PPP1R1C: variants seen among roughly 807,000 people sequenced by gnomAD.
The protein encoded by PPP1R1C is protein phosphatase 1 regulatory subunit 1C.
PPP1R1C carries 15 observed loss-of-function variants against 17.4 expected under a neutral mutation model. The ratio of observed to expected loss-of-function variants is 0.86; its 90% CI spans 0.58 to 1.33. The LOEUF is 1.33. PPP1R1C is among the 40% of genes most tolerant of loss of function. The pLI, the probability that PPP1R1C is intolerant of heterozygous loss-of-function variation, is 0.00. For missense variants in PPP1R1C, 143 were observed against 130.0 expected (o/e 1.10, Z -0.48); for synonymous variants, 35 against 43.1 (o/e 0.81, Z 0.73).
intron 5 of PPP1R1C, among the ~76,000 whole-genome samples, chr2:182,126,367 A>C: frequency 6.6e-6 from 1 of 152,110 alleles, no homozygotes. Flanking sequence ...TCCAAAAACC[A>C]GTCCTCAAAG....
rs184043225 is a variant in PPP1R1C at position 182,061,489 on chromosome 2, T to A, written c.180+10T>A. On this transcript the variant is annotated intron_variant, in intron 3 of 4. Coordinates refer to ENST00000682840, the MANE Select transcript of PPP1R1C (RefSeq NM_001080545.3). ...CAACACACAAGGGGAAGTAAGTTTT[T>A]AAAAATATTTTGTATAAATGTGTTC... 76 of 1,458,614 alleles carry A rather than the reference T, an allele frequency of 5.2e-5. No individual in the cohort carries two copies. The East Asian group carries it at 1.8e-3, about 34-fold the overall frequency. 90.4% of individuals were successfully genotyped at this position (1,458,614 alleles called of 1,614,324 possible).
At chr2:182,105,807 G>A (rs1372102076) in intron 4 of PPP1R1C, among the ~76,000 whole-genome samples, 1 of 152,148 alleles carries the variant, frequency 6.6e-6, no homozygotes, top group Non-Finnish European at 1.5e-5. Context: ...TGGGGAGGAT[G>A]GGGATTTCCC....
At chr2:182,118,368 A>G (rs1689645447), downstream of PPP1R1C, among the ~76,000 whole-genome samples, 1 of 152,124 alleles carries the variant, frequency 6.6e-6, no homozygotes, top group African/African-American at 2.4e-5. Context: ...AATTTTAATT[A>G]TACATTATTT....
In PPP1R1C at chr2:181,961,851, C is replaced by T. The variant is rs1373765830; in HGVS notation, n.111+7217C>T. 3.4e-6 allele frequency: 3 copies of T among 893,922 alleles called. No individual in the cohort carries two copies. The highest frequency in any genetic ancestry group is 4.9e-5 in the East Asian group (2 of 40,940). The allele number at this position is 893,922 out of a possible 1,614,324, so 55.4% of individuals were successfully genotyped here. A position where few individuals can be genotyped will look rare whatever the true frequency, so the allele number is the denominator to read the frequency against. On this transcript the variant is annotated intron_variant and non_coding_transcript_variant, in intron 1 of 5. Coordinates refer to the PPP1R1C transcript ENST00000464264. This position sits in a 1 kb window ranked among gnomAD's most constrained non-coding sequence, Gnocchi z 5.8. ...CTTCGTGGTTCTTCTTCATGAAGAG[C>T]AGCTCCTCCTTGAGAGCCTCCATCT...
chr2:182,062,127 A>T (rs978892525), intron 3 of PPP1R1C, among the ~76,000 whole-genome samples: 1 of 152,084 alleles, frequency 6.6e-6, no homozygotes, highest in African/African-American at 2.4e-5. Flanking sequence ...ATTGAATAGG[A>T]TGCTGTGCAG....
rs570612621 is a variant in PPP1R1C at position 182,082,225 on chromosome 2, G to C, written c.241+18434G>C. Among the ~76,000 whole-genome samples the C allele has an allele frequency of 3.3e-5, 5 of 152,262 alleles. No homozygotes were observed. In the East Asian group the frequency reaches 9.7e-4, roughly 29 times the overall value. On this transcript the variant is annotated intron_variant, in intron 4 of 4. Transcript: ENST00000682840. ...ATAGAAACAAACTCATAAAGCAACA[G>C]ATGAATGCATGCATGTGAAATTGGA...
At chr2:182,012,951 G>T (rs1686136281) in intron 2 of PPP1R1C, among the ~76,000 whole-genome samples, 1 of 151,860 alleles carries the variant, frequency 6.6e-6, no homozygotes, top group South Asian at 2.1e-4. Context: ...ACTTTTTATT[G>T]TTTCTATTTA....
chr2:182,051,617 T>G (rs188297523), intron 2 of PPP1R1C, among the ~76,000 whole-genome samples: 4 of 152,326 alleles, frequency 2.6e-5, no homozygotes, highest in African/African-American at 7.2e-5. Flanking sequence ...ATGTGGAATT[T>G]TCACAGCTGT....
At chr2:182,096,344 A>G (rs1333054857) in intron 4 of PPP1R1C, among the ~76,000 whole-genome samples, 1 of 152,156 alleles carries the variant, frequency 6.6e-6, no homozygotes, top group Non-Finnish European at 1.5e-5. Context: ...CTTTATGACC[A>G]TGTTTCAGTG....
intron 1 of PPP1R1C, among the ~76,000 whole-genome samples, chr2:181,959,851 A>C (rs1684735272): frequency 6.6e-6 from 1 of 152,078 alleles, no homozygotes; most frequent in African/African-American, 2.4e-5. Context: ...TTAGCTTTTT[A>C]AGTGTTTTAG....
At chr2:182,028,221 C>A (rs1324074006) in intron 2 of PPP1R1C, among the ~76,000 whole-genome samples, 8 of 125,086 alleles carry the variant, frequency 6.4e-5, no homozygotes, top group African/African-American at 2.5e-4. Context: ...TTCAGTTCTG[C>A]TCTGATTTTA....
chr2:182,070,080 G>A (rs1688098243), intron 4 of PPP1R1C, among the ~76,000 whole-genome samples: 1 of 152,168 alleles, frequency 6.6e-6, no homozygotes, highest in Non-Finnish European at 1.5e-5. Context: ...TCCTTTAATA[G>A]GGATTTAGAC....
chr2:182,024,379 G>A (rs1427169023), intron 2 of PPP1R1C, among the ~76,000 whole-genome samples: 1 of 152,004 alleles, frequency 6.6e-6, no homozygotes, highest in Non-Finnish European at 1.5e-5. Context: ...ACAAATTAAA[G>A]TACTAATTTT....
rs1158315878 is a variant in PPP1R1C, at chr2:181,976,906, G to A, written n.157+1642G>A. ...TAATCCCAGCACTTTGGGATGCTGAGGCAGGTGGATCACTTGAGGCCAGGA... is the reference window on the plus strand; with the variant it reads ...TAATCCCAGCACTTTGGGATGCTGAAGCAGGTGGATCACTTGAGGCCAGGA... On this transcript the variant is annotated intron_variant and non_coding_transcript_variant, in intron 2 of 5. Transcript: ENST00000464264. This position sits in a 1 kb window ranked among gnomAD's most constrained non-coding sequence, Gnocchi z 4.8. Among the ~76,000 whole-genome samples, 1 of 151,746 alleles carries A rather than the reference G, an allele frequency of 6.6e-6. No homozygotes were observed. The highest frequency in any genetic ancestry group is 1.5e-5 in the Non-Finnish European group (1 of 67,940).
upstream of PPP1R1C, among the ~76,000 whole-genome samples, chr2:181,981,900 AT>A (rs1409994945): frequency 6.6e-6 from 1 of 152,080 alleles, no homozygotes; most frequent in South Asian, 2.1e-4. Flanking sequence ...ATGATATTGT[AT>A]TTTTTCTGCT....
At chr2:182,028,519 G>A (rs1399801072) in intron 2 of PPP1R1C, among the ~76,000 whole-genome samples, 1 of 152,136 alleles carries the variant, frequency 6.6e-6, no homozygotes, top group East Asian at 1.9e-4. Flanking sequence ...TAGTTGAGCG[G>A]TTTTGAGTGA....
intron 1 of PPP1R1C, among the ~76,000 whole-genome samples, chr2:181,964,273 C>T (rs1402542400): frequency 6.6e-6 from 1 of 152,168 alleles, no homozygotes; most frequent in Non-Finnish European, 1.5e-5. Flanking sequence ...CAGTTCCATC[C>T]ATGCTGTTGC....
At chr2:182,056,305 C>A (rs899600033) in intron 2 of PPP1R1C, among the ~76,000 whole-genome samples, 34 of 152,288 alleles carry the variant, frequency 2.2e-4, no homozygotes, top group African/African-American at 7.7e-4. Context: ...GACTTTCAGG[C>A]CCCATGGTTT....
At chr2:182,046,491 G>T (rs1559070646) in intron 2 of PPP1R1C, among the ~76,000 whole-genome samples, 1 of 151,774 alleles carries the variant, frequency 6.6e-6, no homozygotes, top group African/African-American at 2.4e-5. Flanking sequence ...ACTTTGGGAG[G>T]CCGAGGCAGG....
Sources: gnomAD v4.1 joint callset for allele counts (sites outside exome capture counted in the v4.1 genomes callset) on GRCh38, gnomAD v4.1.1 for gene constraint, Gnocchi (gnomAD v3.1) non-coding constraint, MANE v1.5 for transcripts, NCBI Gene and HGNC (gene_info 2026-07-23, HGNC 2026-07-21) for gene names.